Variants in EEF1AKMT3 observed in about 807,000 individuals in gnomAD.
The protein encoded by EEF1AKMT3 is eEF1A-KMT3.
In EEF1AKMT3, 17 loss-of-function variants were observed where a neutral mutation model predicts 17.8. That is an observed-to-expected ratio of 0.96 (90% CI 0.65 to 1.43). The LOEUF (loss-of-function observed/expected upper bound fraction) is 1.43, where lower values mean the gene tolerates loss of function less well. Among genes scored for constraint, EEF1AKMT3 ranks in the 40% most tolerant of loss-of-function variants. EEF1AKMT3 has a pLI of 0.00. For missense variants in EEF1AKMT3, 244 were observed against 285.8 expected, an observed-to-expected ratio of 0.85 and a Z score of 1.06; for synonymous variants, 116 against 126.5, an observed-to-expected ratio of 0.92 and a Z score of 0.56.
rs1433380121 is a variant in EEF1AKMT3 at position 57,780,367 on chromosome 12, G to T, written c.402G>T (p.Gly134=). Residue 134 remains glycine, a synonymous_variant, in exon 3 of 3, where the codon GGG becomes GGT. Coordinates refer to ENST00000300209, the MANE Select transcript of EEF1AKMT3 (RefSeq NM_015433.3). ...CCCAGGTGCGTGCCTTGTCCTGGGGGATTGACCATCATGTCTTCCCTGCAA... is the reference window on the plus strand; with the variant it reads ...CCCAGGTGCGTGCCTTGTCCTGGGGTATTGACCATCATGTCTTCCCTGCAA... The part of the protein sequence containing the change: ...GQAQVRALSW[G]IDHHVFPANY... 6.2e-7 allele frequency: 1 copy of T among 1,614,182 alleles called. No homozygotes were observed. The highest frequency in any genetic ancestry group is 8.5e-7 in the Non-Finnish European group (1 of 1,180,024).
chr12:57,780,568 A>T lies in EEF1AKMT3; in HGVS notation c.603A>T (p.Gln201His), dbSNP rs963689903. ...FFQHLLPQHF[Q>H]LELAQRDEDE... ...AGCACCTCCTGCCCCAGCATTTCCA[A>T]CTGGAGCTGGCTCAGCGGGATGAGG... The change falls in exon 3 of 3, where the codon CAA becomes CAT. Residue 201 changes from glutamine (Q) to histidine (H), a missense_variant. Physicochemically the swap from Gln to His is conservative, Grantham distance 24. Transcript: ENST00000300209. 1.1e-5 allele frequency: 18 copies of T among 1,613,876 alleles called. No individual in the cohort carries two copies. Among genetic ancestry groups the T allele is most frequent in the Non-Finnish European group, 1.4e-5 (16 of 1,180,006 alleles).
In EEF1AKMT3 at chr12:57,782,272, T is replaced by G. The variant is rs1373881354; in HGVS notation, c.*1626T>G. On this transcript the variant is annotated 3_prime_UTR_variant, in exon 3 of 3. Transcript: ENST00000300209. ...TTTGTGATTCTCATTTTCTCACCAT[T>G]AAATTACCTTGGAGGGTAGGGCTGT... is the stretch of plus-strand genomic sequence containing the variant. The G allele has an allele frequency of 6.6e-6, 1 of 152,496 alleles. No individual in the cohort carries two copies. The highest frequency in any genetic ancestry group is 1.5e-5 in the Non-Finnish European group (1 of 68,250). The allele number at this position is 152,496 out of a possible 1,614,324, so 9.4% of individuals were successfully genotyped here.
At chr12:57,773,411 C>CT (rs1555203468) in intron 2 of EEF1AKMT3, among the ~76,000 whole-genome samples, 8 of 150,408 alleles carry the variant, frequency 5.3e-5, no homozygotes, top group African/African-American at 7.3e-5. Flanking sequence ...TATCGTGTTG[C>CT]TTTTTTTTTG....
Position 57,772,781 on chromosome 12 carries a change from G to A in EEF1AKMT3, c.57G>A (p.Glu19=). 6.2e-7 allele frequency: 1 copy of A among 1,614,192 alleles called. No individual in the cohort carries two copies. Among genetic ancestry groups the A allele is most frequent in the Non-Finnish European group, 8.5e-7 (1 of 1,180,004 alleles). ...AGTCGGAATCGGTGTTCCCGCGGGAGGTCGGGCTCTTTGCAGACTCTTACT... is the reference window on the plus strand; with the variant it reads ...AGTCGGAATCGGTGTTCCCGCGGGAAGTCGGGCTCTTTGCAGACTCTTACT... ...ESESESVFPR[E]VGLFADSYSE... Residue 19 remains glutamate (E), a synonymous_variant, in exon 1 of 3, where the codon GAG becomes GAA. Coordinates refer to ENST00000300209, the MANE Select transcript of EEF1AKMT3 (RefSeq NM_015433.3). This position sits in a 1 kb window ranked among gnomAD's most constrained non-coding sequence, Gnocchi z 4.1.
intron 2 of EEF1AKMT3, among the ~76,000 whole-genome samples, chr12:57,777,127 A>G (rs191180917): frequency 9.4e-4 from 143 of 152,114 alleles, no homozygotes; most frequent in African/African-American, 3.3e-3. Context: ...CAAGACCCCA[A>G]ATCTTTCTGC....
rs143319881 is a variant in EEF1AKMT3 at position 57,773,411 on chromosome 12, C to CTCTTTT, written c.289+284_289+285insCTTTTT. 5.2e-3 allele frequency among the ~76,000 whole-genome samples: 777 copies of CTCTTTT among 150,498 alleles called. 9 individuals carry two copies. Among genetic ancestry groups the CTCTTTT allele is most frequent in the African/African-American group, 0.01 (426 of 41,058 alleles). ...AGAAGGAGTTGTTTCTATCGTGTTG[C>CTCTTTT]TTTTTTTTTGTTTTTAATTTTTTTT... On this transcript the variant is annotated intron_variant, in intron 2 of 2. Transcript: ENST00000300209.
chr12:57,774,180 G>T (rs1435468454), intron 2 of EEF1AKMT3, among the ~76,000 whole-genome samples: 1 of 152,178 alleles, frequency 6.6e-6, no homozygotes, highest in African/African-American at 2.4e-5. Context: ...ACAGAACTAG[G>T]TCATATTAAG....
At position 57,772,702 on chromosome 12, in the gene EEF1AKMT3, C is replaced by A. The variant is rs770659970; in HGVS notation, c.-23C>A. The A allele has an allele frequency of 6.2e-7, 1 of 1,603,020 alleles. No homozygotes were observed. Among genetic ancestry groups the A allele is most frequent in the Non-Finnish European group, 8.5e-7 (1 of 1,174,076 alleles). ...GGATCTGAGCGCCGGCCGCGGTGCCCAGGCACTCCCTTGGCGGGCCGGATG... is the reference window on the plus strand; with the variant it reads ...GGATCTGAGCGCCGGCCGCGGTGCCAAGGCACTCCCTTGGCGGGCCGGATG... On this transcript the variant is annotated 5_prime_UTR_variant, in exon 1 of 3. Coordinates refer to ENST00000300209, the MANE Select transcript of EEF1AKMT3 (RefSeq NM_015433.3). This position sits in a 1 kb window ranked among gnomAD's most constrained non-coding sequence, Gnocchi z 4.1.
intron 2 of EEF1AKMT3, among the ~76,000 whole-genome samples, chr12:57,776,848 A>G (rs925835739): frequency 5.3e-5 from 8 of 151,910 alleles, no homozygotes; most frequent in Non-Finnish European, 8.8e-5. Context: ...ATGGGGTTTC[A>G]CCATGTTGGC....
chr12:57,779,938 C>T (rs185216395), intron 2 of EEF1AKMT3, among the ~76,000 whole-genome samples: 11 of 152,304 alleles, frequency 7.2e-5, no homozygotes, highest in East Asian at 1.9e-4. Context: ...ACCCTTAAGG[C>T]GAGCTTGTGT....
intron 2 of EEF1AKMT3, among the ~76,000 whole-genome samples, chr12:57,778,908 G>A (rs954150953): frequency 6.6e-6 from 1 of 151,946 alleles, no homozygotes; most frequent in Non-Finnish European, 1.5e-5. Context: ...TGCCCAGGTC[G>A]GAGTGCAATG....
intron 2 of EEF1AKMT3, chr12:57,774,608 GAC>G (rs762912721): frequency 1.4e-5 from 16 of 1,113,646 alleles, no homozygotes; most frequent in Middle Eastern, 2.0e-4. Context: ...CAATAAATAA[GAC>G]AGATTTTCTC....
intron 2 of EEF1AKMT3, among the ~76,000 whole-genome samples, chr12:57,773,426 T>C (rs1955459015): frequency 6.7e-6 from 1 of 150,334 alleles, no homozygotes; most frequent in African/African-American, 2.5e-5. Context: ...TTTTTGTTTT[T>C]AATTTTTTTT....
At chr12:57,777,681 C>A (rs1190715092) in intron 2 of EEF1AKMT3, among the ~76,000 whole-genome samples, 1 of 152,324 alleles carries the variant, frequency 6.6e-6, no homozygotes, top group Non-Finnish European at 1.5e-5. Context: ...CCCTCCTTTT[C>A]TTGTCTACCT....
intron 2 of EEF1AKMT3, among the ~76,000 whole-genome samples, chr12:57,779,357 C>T (rs982258637): frequency 6.6e-6 from 1 of 152,152 alleles, no homozygotes; most frequent in African/African-American, 2.4e-5. Context: ...TTTCTTGCCA[C>T]TGGACCATAA....
intron 2 of EEF1AKMT3, chr12:57,774,860 C>G (rs1391270174): frequency 1.6e-6 from 2 of 1,227,570 alleles, no homozygotes; most frequent in Non-Finnish European, 2.3e-6. Context: ...AATCCCGGCA[C>G]TTTGGGAGGC....
chr12:57,778,293 C>CTTTTTTTTTTCTTTTT lies in EEF1AKMT3; in HGVS notation c.290-1952_290-1951insCTTTTTTTTTTTTTTT. 4.5e-5 allele frequency among the ~76,000 whole-genome samples: 2 copies of CTTTTTTTTTTCTTTTT among 43,994 alleles called. 1 individual carries two copies. The highest frequency in any genetic ancestry group is 7.8e-5 in the Non-Finnish European group (2 of 25,678). 28.9% of individuals were successfully genotyped at this position (43,994 alleles called of 152,430 possible). A position where few individuals can be genotyped will look rare whatever the true frequency, so the allele number is the denominator to read the frequency against. On this transcript the variant is annotated intron_variant, in intron 2 of 2. Transcript: ENST00000300209. The stretch of plus-strand genomic sequence containing the variant: ...CCAAACACCCAGAAACCATCCTGAG[C>CTTTTTTTTTTCTTTTT]TTTTTTTTTTTTTTTGAGACAGGTT...
chr12:57,780,580 T>C lies in EEF1AKMT3; in HGVS notation c.615T>C (p.Ala205=). ...LLPQHFQLEL[A]QRDEDENVNI... is the part of the protein sequence containing the mutation. ...CCCAGCATTTCCAACTGGAGCTGGC[T>C]CAGCGGGATGAGGATGAAAATGTCA... Residue 205 remains alanine (A), a synonymous_variant, in exon 3 of 3, where the codon GCT becomes GCC. Transcript: ENST00000300209. 9 of 1,613,630 alleles carry C rather than the reference T, an allele frequency of 5.6e-6. No individual in the cohort carries two copies. The highest frequency in any genetic ancestry group is 7.6e-6 in the Non-Finnish European group (9 of 1,180,012).
In EEF1AKMT3 at chr12:57,781,297, T is replaced by G. The variant is rs1955513144; in HGVS notation, c.*651T>G. ...GTGGTCTCAAACTCCTGGGCTCAAG[T>G]GATCCACCCGCCTTGCCTCCCAAAG... On this transcript the variant is annotated 3_prime_UTR_variant, in exon 3 of 3. Coordinates refer to ENST00000300209, the MANE Select transcript of EEF1AKMT3 (RefSeq NM_015433.3). 6.6e-6 allele frequency: 1 copy of G among 152,194 alleles called. No individual in the cohort carries two copies. Among genetic ancestry groups the G allele is most frequent in the African/African-American group, 2.4e-5 (1 of 41,424 alleles). 9.4% of individuals were successfully genotyped at this position (152,194 alleles called of 1,614,324 possible).
Sources: gnomAD v4.1 joint callset for allele counts (sites outside exome capture counted in the v4.1 genomes callset) on GRCh38, gnomAD v4.1.1 for gene constraint, Gnocchi (gnomAD v3.1) non-coding constraint, MANE v1.5 for transcripts, NCBI Gene and HGNC (gene_info 2026-07-23, HGNC 2026-07-21) for gene names.